Variants in NEGR1 observed in about 807,000 individuals in gnomAD.
The protein encoded by NEGR1 is IgLON family member 4.
In NEGR1, 10 loss-of-function variants were observed where a neutral mutation model predicts 40.9. The ratio of observed to expected loss-of-function variants is 0.24; its 90% CI spans 0.15 to 0.42. The LOEUF is 0.42. NEGR1 is among the 10% of genes least tolerant of loss of function. The probability of loss-of-function intolerance (pLI) is 1.00; values close to 1 mark genes in which losing one functional copy is unlikely to be tolerated. For missense variants in NEGR1, 352 were observed against 438.9 expected (o/e 0.80, Z 1.77); for synonymous variants, 185 against 166.8 (o/e 1.11, Z -0.84).
intron 6 of NEGR1, among the ~76,000 whole-genome samples, chr1:71,565,537 C>T (rs1648591708): frequency 6.6e-6 from 1 of 152,130 alleles, no homozygotes; most frequent in South Asian, 2.1e-4. Context: ...TCATCAAGAA[C>T]TCAGGCCCTC....
At chr1:71,859,326 G>A (rs911493028) in intron 2 of NEGR1, among the ~76,000 whole-genome samples, 3 of 151,854 alleles carry the variant, frequency 2.0e-5, no homozygotes, top group African/African-American at 7.3e-5. Context: ...ACGCTGCATG[G>A]CTTGCTCTCT....
chr1:72,088,236 C>G (rs984431969), intron 1 of NEGR1, among the ~76,000 whole-genome samples: 2 of 152,116 alleles, frequency 1.3e-5, no homozygotes, highest in Non-Finnish European at 2.9e-5. Context: ...GTAAGAACAT[C>G]ACCTACAACT....
At chr1:71,493,474 C>A (rs1200287120) in intron 6 of NEGR1, among the ~76,000 whole-genome samples, 1 of 152,088 alleles carries the variant, frequency 6.6e-6, no homozygotes, top group Non-Finnish European at 1.5e-5. Context: ...CCCCTTGAAT[C>A]CTTGTTTGGA....
intron 2 of NEGR1, among the ~76,000 whole-genome samples, chr1:71,837,250 C>T (rs1349050216): frequency 6.6e-6 from 1 of 152,088 alleles, no homozygotes; most frequent in Non-Finnish European, 1.5e-5. Context: ...TCTCTATATG[C>T]CTGACACTAT....
chr1:71,732,017 A>G (rs1654888973), intron 3 of NEGR1, among the ~76,000 whole-genome samples: 1 of 152,182 alleles, frequency 6.6e-6, no homozygotes, highest in African/African-American at 2.4e-5. Context: ...ATTATCAATG[A>G]TAAAGAATTC....
At chr1:72,137,744 G>A (rs938486691) in intron 1 of NEGR1, among the ~76,000 whole-genome samples, 13 of 151,788 alleles carry the variant, frequency 8.6e-5, no homozygotes, top group African/African-American at 2.4e-4. Flanking sequence ...AAAAGAATAC[G>A]GTGCTCAGGT....
Position 71,398,576 on chromosome 1 carries a change from T to A in NEGR1, c.*8870A>T, listed in dbSNP as rs533117340. ...AGGAAGTAACTAACTTGCTTTTGAT[T>A]TTACTGGCTGCTCATAGGCAGAAGA... On this transcript the variant is annotated 3_prime_UTR_variant, in exon 7 of 7. Transcript: ENST00000357731. 5 of 152,352 alleles carry A rather than the reference T, an allele frequency of 3.3e-5. No individual in the cohort carries two copies. Among genetic ancestry groups the A allele is most frequent in the Middle Eastern group, 3.4e-3 (1 of 296 alleles). 9.4% of individuals were successfully genotyped at this position (152,352 alleles called of 1,614,324 possible).
At chr1:71,774,981 G>A (rs556681319) in intron 3 of NEGR1, among the ~76,000 whole-genome samples, 304 of 152,252 alleles carry the variant, frequency 2.0e-3, no homozygotes, top group African/African-American at 7.1e-3. Context: ...TACTAGCTAT[G>A]CAATCCTGCA....
At chr1:72,281,535 G>A (rs549162575) in intron 1 of NEGR1, among the ~76,000 whole-genome samples, 84 of 151,842 alleles carry the variant, frequency 5.5e-4, no homozygotes, top group Non-Finnish European at 1.0e-3. Flanking sequence ...GGAGAGGGAT[G>A]AGAAATGGGA....
intron 2 of NEGR1, among the ~76,000 whole-genome samples, chr1:71,921,408 A>G (rs1645715791): frequency 2.0e-5 from 3 of 152,206 alleles, no homozygotes; most frequent in Admixed American, 2.0e-4. Flanking sequence ...GAGTCCATGT[A>G]CACTTGGATT....
intron 1 of NEGR1, among the ~76,000 whole-genome samples, chr1:72,215,781 C>T (rs182656715): frequency 1.5e-4 from 23 of 152,040 alleles, no homozygotes; most frequent in East Asian, 5.8e-4. Flanking sequence ...TTAGTTCAAC[C>T]GTTGTAGAAG....
chr1:71,628,576 C>A (rs1316977014), intron 4 of NEGR1, among the ~76,000 whole-genome samples: 3 of 151,878 alleles, frequency 2.0e-5, no homozygotes, highest in Non-Finnish European at 4.4e-5. Context: ...CACCCCACCC[C>A]CTGACAGGCC....
intron 1 of NEGR1, among the ~76,000 whole-genome samples, chr1:72,031,279 C>T (rs752913967): frequency 5.3e-5 from 8 of 152,116 alleles, no homozygotes; most frequent in South Asian, 4.1e-4. Flanking sequence ...TGTGGAACTA[C>T]TTCAAGAGCA....
At chr1:71,696,424 T>A (rs1203599341) in intron 4 of NEGR1, among the ~76,000 whole-genome samples, 1 of 151,854 alleles carries the variant, frequency 6.6e-6, no homozygotes, top group Admixed American at 6.6e-5. Context: ...ACCTCTTGGG[T>A]CTTGGAGTTT....
intron 1 of NEGR1, among the ~76,000 whole-genome samples, chr1:72,006,764 TG>T (rs555264369): frequency 4.7e-5 from 7 of 148,604 alleles, no homozygotes; most frequent in South Asian, 2.1e-4. Context: ...CAGGAAAAAC[TG>T]GGGGGGGCGG....
rs1482629395 is a variant in NEGR1 at position 71,446,703 on chromosome 1, T to G, written c.941-39133A>C. On this transcript the variant is annotated intron_variant, in intron 6 of 6. Transcript: ENST00000357731. ...CTTCTTTCCGATGTACATTTTAAAT[T>G]GAAATACATTGGAAAAGTGCATAAA... 2.0e-5 allele frequency among the ~76,000 whole-genome samples: 3 copies of G among 152,204 alleles called. No homozygotes were observed. In the East Asian group the frequency reaches 5.8e-4, roughly 29 times the overall value.
At chr1:72,027,707 G>T (rs962766932) in intron 1 of NEGR1, among the ~76,000 whole-genome samples, 3 of 152,144 alleles carry the variant, frequency 2.0e-5, no homozygotes, top group Non-Finnish European at 2.9e-5. Flanking sequence ...CCACAAATAT[G>T]CTGAGAACTT....
chr1:71,841,185 A>G (rs945531576), intron 2 of NEGR1, among the ~76,000 whole-genome samples: 1 of 152,186 alleles, frequency 6.6e-6, no homozygotes, highest in African/African-American at 2.4e-5. Flanking sequence ...GATCACATGA[A>G]GAATCCTATG....
At chr1:71,639,708 C>A (rs1198207874) in intron 4 of NEGR1, among the ~76,000 whole-genome samples, 1 of 152,002 alleles carries the variant, frequency 6.6e-6, no homozygotes, top group Non-Finnish European at 1.5e-5. Context: ...TTGCGACCTG[C>A]CAAGTAATGT....
Sources: gnomAD v4.1 joint callset for allele counts (sites outside exome capture counted in the v4.1 genomes callset) on GRCh38, gnomAD v4.1.1 for gene constraint, MANE v1.5 for transcripts, NCBI Gene and HGNC (gene_info 2026-07-23, HGNC 2026-07-21) for gene names.